The following KLF13 variants were observed in gnomAD, a reference collection of about 807,000 sequenced individuals.
The protein encoded by KLF13 is KLF transcription factor 13, also known as Krueppel-like factor 13.
In KLF13, 8 loss-of-function variants were observed where a neutral mutation model predicts 16.7. The observed-to-expected ratio is 0.48, with a 90% CI of 0.28 to 0.87. The LOEUF (loss-of-function observed/expected upper bound fraction) is 0.87, where lower values mean the gene tolerates loss of function less well. Ranked by LOEUF, KLF13 falls within the 40% of genes least tolerant of loss-of-function variation. The pLI, the probability that KLF13 is intolerant of heterozygous loss-of-function variation, is 0.10. For synonymous variants in KLF13, 245 were observed against 208.4 expected (o/e 1.18, Z -1.51); for missense variants, 447 against 452.2 (o/e 0.99, Z 0.10).
intron 1 of KLF13, among the ~76,000 whole-genome samples, chr15:31,410,338 G>A (rs1446063347): frequency 6.6e-6 from 1 of 151,756 alleles, no homozygotes; most frequent in Non-Finnish European, 1.5e-5. Context: ...AGATAAAAAA[G>A]TACAGAGGGA....
intron 1 of KLF13, among the ~76,000 whole-genome samples, chr15:31,433,304 T>A (rs1025157255): frequency 1.3e-5 from 2 of 152,138 alleles, no homozygotes; most frequent in Admixed American, 1.3e-4. Context: ...TTCCATGCGG[T>A]GGCTTTTCCC....
intron 1 of KLF13, among the ~76,000 whole-genome samples, chr15:31,352,371 G>A (rs746119255): frequency 7.9e-5 from 12 of 152,192 alleles, no homozygotes; most frequent in Non-Finnish European, 1.5e-4. Context: ...GGCTCCCTTG[G>A]TCCCGCTCAG....
chr15:31,407,924 T>C (rs1233719753), downstream of KLF13, among the ~76,000 whole-genome samples: 1 of 152,168 alleles, frequency 6.6e-6, no homozygotes, highest in Non-Finnish European at 1.5e-5. Context: ...CATACTAAAA[T>C]CACTGATTTA....
At chr15:31,341,542 T>C (rs1419001912) in intron 1 of KLF13, among the ~76,000 whole-genome samples, 3 of 143,878 alleles carry the variant, frequency 2.1e-5, no homozygotes, top group Non-Finnish European at 1.6e-5. Context: ...CAGAACTTTT[T>C]TTTTTTTTTT....
In KLF13 at chr15:31,353,882, C is replaced by A. The variant is rs188204438; in HGVS notation, c.578-18128C>A. On this transcript the variant is annotated intron_variant, in intron 1 of 1. Coordinates refer to ENST00000307145, the MANE Select transcript of KLF13 (RefSeq NM_015995.4). Reference sequence around the variant, plus strand: ...CAGAGGAGAAGAGGACTTCACTGTTCCTTCTTTTAAACAGAAACCAGGCTG... The same window carrying A: ...CAGAGGAGAAGAGGACTTCACTGTTACTTCTTTTAAACAGAAACCAGGCTG... Among the ~76,000 whole-genome samples the A allele has an allele frequency of 2.5e-4, 38 of 152,300 alleles. 1 individual carries two copies.
intron 1 of KLF13, among the ~76,000 whole-genome samples, chr15:31,329,470 G>A (rs1040007749): frequency 6.6e-6 from 1 of 152,176 alleles, no homozygotes; most frequent in Non-Finnish European, 1.5e-5. Flanking sequence ...ACCGGTAGCG[G>A]GGAATTGAGG....
In KLF13 at chr15:31,417,063, G is replaced by T. The variant is rs376724643; in HGVS notation, n.118-18307G>T. Among the ~76,000 whole-genome samples the T allele has an allele frequency of 5.3e-5, 8 of 152,228 alleles. 1 individual carries two copies. The highest frequency in any genetic ancestry group is 1.9e-4 in the African/African-American group (8 of 41,550). ...CCTTACAAAAGGATGAGTTTGGTTT[G>T]CCCCCTTCTCCCTCTCTCATCCATG... On this transcript the variant is annotated intron_variant and non_coding_transcript_variant, in intron 1 of 1. Transcript: ENST00000558225.
At chr15:31,330,635 C>CA (rs2038811635) in intron 1 of KLF13, among the ~76,000 whole-genome samples, 1 of 152,254 alleles carries the variant, frequency 6.6e-6, no homozygotes, top group Non-Finnish European at 1.5e-5. Flanking sequence ...ACTCTCTGAA[C>CA]AGCTGCATGC....
At chr15:31,430,086 G>T (rs1453124856) in intron 1 of KLF13, among the ~76,000 whole-genome samples, 1 of 152,058 alleles carries the variant, frequency 6.6e-6, no homozygotes, top group African/African-American at 2.4e-5. Context: ...GTTGGAAGGG[G>T]AAGATTGTTA....
chr15:31,385,291 C>T (rs1361630633), intron 1 of KLF13, among the ~76,000 whole-genome samples: 1 of 152,236 alleles, frequency 6.6e-6, no homozygotes, highest in Admixed American at 6.5e-5. Flanking sequence ...ATGAAACCTA[C>T]ATGATGAAGG....
chr15:31,420,561 A>G, intron 1 of KLF13: 2 of 499,126 alleles, frequency 4.0e-6, no homozygotes, highest in South Asian at 3.6e-5. Context: ...CCCAACATTG[A>G]TAGCCCTTTG....
intron 1 of KLF13, among the ~76,000 whole-genome samples, chr15:31,360,886 C>T (rs937704401): frequency 7.9e-5 from 12 of 152,206 alleles, no homozygotes; most frequent in African/African-American, 2.9e-4. Flanking sequence ...AAAACTGAGC[C>T]TGCTGTGCAC....
At chr15:31,333,019 G>A (rs2038859511) in intron 1 of KLF13, among the ~76,000 whole-genome samples, 1 of 152,012 alleles carries the variant, frequency 6.6e-6, no homozygotes, top group African/African-American at 2.4e-5. Flanking sequence ...TTCAGTTTGT[G>A]CTTTCAGGAA....
chr15:31,379,732 G>A (rs546646547), downstream of KLF13, among the ~76,000 whole-genome samples: 1 of 152,336 alleles, frequency 6.6e-6, no homozygotes, highest in East Asian at 1.9e-4. Flanking sequence ...TGGCGGAGAG[G>A]GTCTGTGGCT....
At chr15:31,371,497 C>A (rs536910453) in intron 1 of KLF13, among the ~76,000 whole-genome samples, 2 of 152,252 alleles carry the variant, frequency 1.3e-5, no homozygotes, top group Non-Finnish European at 2.9e-5. Flanking sequence ...CTACGCTGAC[C>A]CTCTCATGTG....
chr15:31,428,937 A>T (rs2040434950), intron 1 of KLF13, among the ~76,000 whole-genome samples: 1 of 152,200 alleles, frequency 6.6e-6, no homozygotes, highest in African/African-American at 2.4e-5. Flanking sequence ...CCATAAAACT[A>T]ATTTACTATG....
At chr15:31,370,709 G>A (rs1277919748) in intron 1 of KLF13, among the ~76,000 whole-genome samples, 2 of 152,160 alleles carry the variant, frequency 1.3e-5, no homozygotes, top group South Asian at 2.1e-4. Context: ...ATGAGCCACC[G>A]CGCCTGGCCG....
intron 1 of KLF13, among the ~76,000 whole-genome samples, chr15:31,332,107 GT>G (rs2038844401): frequency 6.6e-6 from 1 of 152,174 alleles, no homozygotes; most frequent in Non-Finnish European, 1.5e-5. Context: ...TGGTGTGTGT[GT>G]GTCTTGGTGC....
chr15:31,370,044 CTT>C (rs912005994), intron 1 of KLF13, among the ~76,000 whole-genome samples: 11 of 99,274 alleles, frequency 1.1e-4, no homozygotes, highest in African/African-American at 1.1e-4. Flanking sequence ...TCTCCTTTTT[CTT>C]TTTTTTTTTT....
Sources: gnomAD v4.1 joint callset for allele counts (sites outside exome capture counted in the v4.1 genomes callset) on GRCh38, gnomAD v4.1.1 for gene constraint, MANE v1.5 for transcripts, NCBI Gene and HGNC (gene_info 2026-07-23, HGNC 2026-07-21) for gene names.